Variants in MTIF2 observed in about 807,000 individuals in gnomAD.
The protein encoded by MTIF2 is translation initiation factor IF-2, mitochondrial.
In MTIF2, 71 loss-of-function variants were observed where a neutral mutation model predicts 83.5. The ratio of observed to expected loss-of-function variants is 0.85; its 90% CI spans 0.70 to 1.04. MTIF2 has a LOEUF of 1.04. Ranked by LOEUF, MTIF2 falls within the 50% of genes least tolerant of loss-of-function variation. The pLI is 0.00. For synonymous variants in MTIF2, 319 were observed against 287.1 expected, an observed-to-expected ratio of 1.11 and a Z score of -1.12; for missense variants, 957 against 846.5, an observed-to-expected ratio of 1.13 and a Z score of -1.62.
chr2:55,246,256 AC>A (rs1676690958), intron 10 of MTIF2, 80 bp downstream of exon 10: 4 of 1,417,492 alleles, frequency 2.8e-6, no homozygotes, highest in Non-Finnish European at 9.5e-7. Context: ...ATAACATGTA[AC>A]AAAAATAATA....
At chr2:55,246,222 G>T in intron 10 of MTIF2, 115 bp downstream of exon 10, 1 of 1,208,632 alleles carries the variant, frequency 8.3e-7, no homozygotes, top group Non-Finnish European at 1.1e-6. Flanking sequence ...CAAATGCTTT[G>T]AAAATATTGT....
At chr2:55,266,716 C>A (rs970836730) in intron 3 of MTIF2, among the ~76,000 whole-genome samples, 2 of 145,058 alleles carry the variant, frequency 1.4e-5, no homozygotes, top group African/African-American at 5.1e-5. Context: ...AGGCTCTGGA[C>A]GGGTGATCTT....
At chr2:55,254,228 T>G (rs1272051662) in intron 6 of MTIF2, 27 bp from the exon 7 acceptor site, 43 of 1,601,106 alleles carry the variant, frequency 2.7e-5, no homozygotes, top group Non-Finnish European at 3.6e-5. Flanking sequence ...AAGAGTTTCA[T>G]TTCTTAAATA....
intron 14 of MTIF2, among the ~76,000 whole-genome samples, chr2:55,238,903 A>T (rs573211043): frequency 1.3e-5 from 2 of 152,354 alleles, no homozygotes; most frequent in African/African-American, 4.8e-5. Context: ...GATCATGTTG[A>T]GCAGGTCAGA....
At chr2:55,239,191 T>A (rs1183759683) in intron 14 of MTIF2, among the ~76,000 whole-genome samples, 1 of 152,222 alleles carries the variant, frequency 6.6e-6, no homozygotes, top group Non-Finnish European at 1.5e-5. Context: ...ATATGGACTG[T>A]GTATTAGATA....
At chr2:55,256,575 G>A (rs577642249) in intron 5 of MTIF2, among the ~76,000 whole-genome samples, 33 of 151,788 alleles carry the variant, frequency 2.2e-4, no homozygotes, top group African/African-American at 7.7e-4. Flanking sequence ...GCATGGTGGC[G>A]GCACCTGTAG....
intron 4 of MTIF2, 87 bp from the exon 5 acceptor site, chr2:55,262,514 C>A: frequency 2.7e-5 from 18 of 663,008 alleles, no homozygotes; most frequent in Non-Finnish European, 4.2e-5. Flanking sequence ...CTACCACAAT[C>A]ATAGCTACAT....
Position 55,243,504 on chromosome 2 carries a change from T to C in MTIF2, c.1476A>G (p.Leu492=). 6.2e-7 allele frequency: 1 copy of C among 1,614,108 alleles called. No individual in the cohort carries two copies. Among genetic ancestry groups the C allele is most frequent in the Non-Finnish European group, 8.5e-7 (1 of 1,179,984 alleles). Residue 492 remains leucine (L), a synonymous_variant, in exon 12 of 16, where the codon CTA becomes CTG. Coordinates refer to ENST00000263629, the MANE Select transcript of MTIF2 (RefSeq NM_002453.3). ...GHLLWKKRSI[L]RFLERKEQIP... Reference sequence around the variant, plus strand: ...TTTGTTCTTTTCTTTCTAAAAACCGTAGAATTGATCTCTTCTTCCACAGTA... The same window carrying C: ...TTTGTTCTTTTCTTTCTAAAAACCGCAGAATTGATCTCTTCTTCCACAGTA...
At chr2:55,262,535 TTTTTTC>T (rs1678092770) in intron 4 of MTIF2, 108 bp from the exon 5 acceptor site, 9 of 468,720 alleles carry the variant, frequency 1.9e-5, no homozygotes. Flanking sequence ...TTCTTTCTTT[TTTTTTC>T]TTTTTTTTTT....
At chr2:55,238,392 T>TG (rs1237681445) in intron 14 of MTIF2, among the ~76,000 whole-genome samples, 1 of 148,050 alleles carries the variant, frequency 6.8e-6, no homozygotes, top group Non-Finnish European at 1.5e-5. Context: ...GAGCCTGGTT[T>TG]TTTTTTTTTT....
rs1244935540 is a variant in MTIF2, at chr2:55,244,119, A to C, written c.1221T>G (p.Ile407Met). The C allele has an allele frequency of 4.3e-6, 7 of 1,614,114 alleles. No individual in the cohort carries two copies. The highest frequency in any genetic ancestry group is 1.7e-5 in the Admixed American group (1 of 60,008). The stretch of plus-strand genomic sequence containing the variant: ...CTGGCATGCTGGGATAGGCCTCATC[A>C]ATTGTTTTTCCATTTTCATCAAACA... ...RLMFDENGKTIDEAYPSMPVG... is the reference protein window; with the variant it reads ...RLMFDENGKTMDEAYPSMPVG... The change falls in exon 11 of 16, where the codon ATT (isoleucine) becomes ATG (methionine). Residue 407 changes from isoleucine to methionine, a missense_variant. Around this residue, in one of 3 missense-constraint regions of MTIF2, gnomAD observed 733 missense variants for 648.7 expected, o/e 1.13. Coordinates refer to ENST00000263629, the MANE Select transcript of MTIF2 (RefSeq NM_002453.3).
chr2:55,266,785 T>TC, intron 3 of MTIF2, among the ~76,000 whole-genome samples: 1 of 135,026 alleles, frequency 7.4e-6, no homozygotes, highest in South Asian at 2.5e-4. Context: ...TTTTTTTTTT[T>TC]CAGATGGAGT....
At chr2:55,267,196 G>A (rs192083565) in intron 3 of MTIF2, among the ~76,000 whole-genome samples, 50 of 151,674 alleles carry the variant, frequency 3.3e-4, no homozygotes, top group Admixed American at 1.3e-3. Context: ...TTTGCTCATC[G>A]CTCAGGCTGG....
rs769781356 is a variant in MTIF2 at position 55,237,288 on chromosome 2, C to T, written c.2011G>A (p.Gly671Ser). The change falls in exon 15 of 16, where the codon GGC becomes AGC. Residue 671 changes from glycine to serine, a missense_variant and splice_region_variant. Gly to Ser is a moderately conservative substitution (Grantham distance 56, BLOSUM62 0). Transcript: ENST00000263629. ...TATAGGAGATTTTGATGTTGCTTAC[C>T]CTTCCAAATTACATGTCCATTACGG... is the stretch of plus-strand genomic sequence containing the variant. ...LTRNGHVIWK[G>S]SLTSLKHHKD... The T allele has an allele frequency of 8.1e-6, 13 of 1,610,562 alleles. No individual in the cohort carries two copies. In the East Asian group the frequency reaches 2.7e-4, roughly 33 times the overall value.
chr2:55,239,753 A>T (rs1676161767), intron 14 of MTIF2, among the ~76,000 whole-genome samples: 1 of 152,132 alleles, frequency 6.6e-6, no homozygotes, highest in African/African-American at 2.4e-5. Context: ...TATTATAATT[A>T]TTTGTTCATA....
intron 5 of MTIF2, among the ~76,000 whole-genome samples, chr2:55,259,046 C>T (rs1207533197): frequency 6.6e-6 from 1 of 152,044 alleles, no homozygotes; most frequent in East Asian, 1.9e-4. Flanking sequence ...TCTAGTTTTC[C>T]AATACATTAT....
intron 8 of MTIF2, 98 bp from the exon 9 acceptor site, chr2:55,249,632 T>A: frequency 7.0e-7 from 1 of 1,424,790 alleles, no homozygotes; most frequent in South Asian, 1.3e-5. Context: ...GTTTTCTCTT[T>A]ATTCAGTGGA....
chr2:55,262,237 A>G (rs1256216866), intron 5 of MTIF2, 79 bp downstream of exon 5: 6 of 934,612 alleles, frequency 6.4e-6, no homozygotes, highest in South Asian at 1.4e-5. Context: ...TAATCTTTCA[A>G]TGCCTTAATC....
intron 3 of MTIF2, among the ~76,000 whole-genome samples, chr2:55,264,657 T>C (rs898874109): frequency 1.3e-5 from 2 of 152,174 alleles, no homozygotes; most frequent in Non-Finnish European, 2.9e-5. Flanking sequence ...ACACTTCCTC[T>C]AGTTGGAATC....
Sources: gnomAD v4.1 joint callset for allele counts (sites outside exome capture counted in the v4.1 genomes callset) on GRCh38, gnomAD v4.1.1 for gene constraint, gnomAD v4.1.1 regional missense constraint, MANE v1.5 for transcripts, NCBI Gene and HGNC (gene_info 2026-07-23, HGNC 2026-07-21) for gene names.